The following ERCC6L2 variants were observed in gnomAD, a reference collection of about 807,000 sequenced individuals.
The protein encoded by ERCC6L2 is DNA excision repair protein ERCC-6-like 2.
ERCC6L2 carries 77 observed loss-of-function variants against 132.0 expected under a neutral mutation model. The ratio of observed to expected loss-of-function variants is 0.58; its 90% CI spans 0.49 to 0.71. The LOEUF is 0.71. Among genes scored for constraint, ERCC6L2 ranks in the 30% least tolerant of loss-of-function variants. The pLI is 0.00. For missense variants in ERCC6L2, 1,542 were observed against 1,837.6 expected (o/e 0.84, Z 2.94); for synonymous variants, 583 against 632.4 (o/e 0.92, Z 1.17).
At chr9:96,026,552 C>A (rs1834367257) in intron 19 of ERCC6L2, among the ~76,000 whole-genome samples, 1 of 151,980 alleles carries the variant, frequency 6.6e-6, no homozygotes, top group Non-Finnish European at 1.5e-5. Context: ...GGAGCAGGGG[C>A]TTGTTGTTTC....
intron 11 of ERCC6L2, among the ~76,000 whole-genome samples, chr9:95,933,661 A>G (rs1001827559): frequency 6.6e-6 from 1 of 152,128 alleles, no homozygotes; most frequent in African/African-American, 2.4e-5. Flanking sequence ...CCTGGCTGAC[A>G]TGGTGAAACC....
intron 2 of ERCC6L2, among the ~76,000 whole-genome samples, chr9:95,894,184 T>C (rs1054063233): frequency 1.2e-4 from 18 of 149,324 alleles, no homozygotes; most frequent in African/African-American, 4.4e-4. Flanking sequence ...ATATAGTTTA[T>C]TGAATATTTT....
intron 13 of ERCC6L2, among the ~76,000 whole-genome samples, chr9:95,963,222 G>A (rs1385525636): frequency 2.0e-5 from 3 of 151,546 alleles, no homozygotes; most frequent in Admixed American, 2.0e-4. Context: ...TGCAAGAACA[G>A]CAGAAAGAAC....
intron 17 of ERCC6L2, among the ~76,000 whole-genome samples, chr9:95,998,898 C>T (rs1239625520): frequency 6.6e-6 from 1 of 152,202 alleles, no homozygotes; most frequent in African/African-American, 2.4e-5. Context: ...AGCTTTCATT[C>T]AGAATAAGCC....
chr9:95,953,585 AAAAAC>A (rs1173043842), intron 12 of ERCC6L2, among the ~76,000 whole-genome samples: 2 of 151,904 alleles, frequency 1.3e-5, no homozygotes, highest in Non-Finnish European at 2.9e-5. Context: ...AAAAAAAAAA[AAAAAC>A]AATGAAATTA....
chr9:95,956,417 C>G (rs1475139590), intron 13 of ERCC6L2, among the ~76,000 whole-genome samples: 1 of 152,092 alleles, frequency 6.6e-6, no homozygotes, highest in Non-Finnish European at 1.5e-5. Context: ...AATGGTTTAC[C>G]ACAAATGGGC....
chr9:95,941,964 G>C (rs77738638), intron 12 of ERCC6L2, among the ~76,000 whole-genome samples: 4,607 of 152,246 alleles, frequency 0.03, 95 homozygotes, highest in East Asian at 0.13. Context: ...TGCAACTACA[G>C]TATGTGGGAG....
In ERCC6L2 at chr9:96,017,895, G is replaced by C. The variant is rs1254721058; in HGVS notation, c.*4692G>C. On this transcript the variant is annotated 3_prime_UTR_variant, in exon 19 of 19. Coordinates refer to ENST00000653738, the MANE Select transcript of ERCC6L2 (RefSeq NM_020207.7). ...GAATAAGCAAAATATTACACACACA[G>C]GAATATTATTCAGCCTTGAAAGGAA... 3.3e-5 allele frequency among the ~76,000 whole-genome samples: 5 copies of C among 151,502 alleles called. No homozygotes were observed. The highest frequency in any genetic ancestry group is 1.2e-4 in the African/African-American group (5 of 41,228).
At position 95,915,528 on chromosome 9, in the gene ERCC6L2, T is replaced by C. The variant is rs185217896; in HGVS notation, c.789-140T>C. On this transcript the variant is annotated intron_variant, in intron 4 of 18. Coordinates refer to ENST00000653738, the MANE Select transcript of ERCC6L2 (RefSeq NM_020207.7). ...GGGTGTGACCATTTAACTAAGTGGG[T>C]AAGAATCCAATGGAGTCATCAAAGA... 3.8e-5 allele frequency: 31 copies of C among 808,866 alleles called. No homozygotes were observed. The East Asian group carries it at 5.8e-4, about 15-fold the overall frequency. The allele number at this position is 808,866 out of a possible 1,614,324, so 50.1% of individuals were successfully genotyped here.
At chr9:95,983,431 T>C (rs1306395258) in intron 17 of ERCC6L2, among the ~76,000 whole-genome samples, 1 of 152,198 alleles carries the variant, frequency 6.6e-6, no homozygotes, top group African/African-American at 2.4e-5. Flanking sequence ...CTGTTGAGAA[T>C]AGTCACAAGA....
chr9:96,040,042 GCC>G (rs1184462168), intron 20 of ERCC6L2, among the ~76,000 whole-genome samples: 4 of 127,632 alleles, frequency 3.1e-5, no homozygotes, highest in Non-Finnish European at 4.8e-5. Context: ...AATATAGCAA[GCC>G]CCATCTCTAA....
chr9:95,993,178 A>G (rs1833359131), intron 17 of ERCC6L2, among the ~76,000 whole-genome samples: 1 of 152,188 alleles, frequency 6.6e-6, no homozygotes, highest in Non-Finnish European at 1.5e-5. Flanking sequence ...ATTATCCCCA[A>G]GATGATCCTC....
At chr9:95,898,033 A>G in intron 3 of ERCC6L2, 62 bp downstream of exon 3, 2 of 1,374,794 alleles carry the variant, frequency 1.5e-6, no homozygotes, top group Non-Finnish European at 2.0e-6. Flanking sequence ...GCATATAGAA[A>G]TATTTAAATA....
intron 14 of ERCC6L2, among the ~76,000 whole-genome samples, 192 bp from the exon 15 acceptor site, chr9:95,970,384 A>G (rs1243200214): frequency 3.9e-5 from 6 of 152,168 alleles, no homozygotes; most frequent in African/African-American, 1.4e-4. Flanking sequence ...GTATTTTTAG[A>G]ATGTTATATA....
chr9:95,994,856 G>C (rs1833420303), intron 17 of ERCC6L2, among the ~76,000 whole-genome samples: 1 of 152,122 alleles, frequency 6.6e-6, no homozygotes, highest in African/African-American at 2.4e-5. Flanking sequence ...ACAGTGTATG[G>C]GTGTGGGAAC....
intron 2 of ERCC6L2, among the ~76,000 whole-genome samples, chr9:95,887,090 C>T (rs148161078): frequency 6.6e-6 from 1 of 152,214 alleles, no homozygotes; most frequent in African/African-American, 2.4e-5. Flanking sequence ...ATCTCTATTC[C>T]ATTAGTTCTG....
At chr9:95,977,502 C>G (rs1168814112) in intron 16 of ERCC6L2, among the ~76,000 whole-genome samples, 1 of 152,106 alleles carries the variant, frequency 6.6e-6, no homozygotes, top group East Asian at 1.9e-4. Context: ...TTTTTTAAAC[C>G]TCTTTCAGAT....
intron 2 of ERCC6L2, among the ~76,000 whole-genome samples, chr9:95,896,251 C>G (rs1400070314): frequency 9.9e-5 from 15 of 152,006 alleles, no homozygotes; most frequent in Admixed American, 9.2e-4. Flanking sequence ...AAAATCTTTA[C>G]CCTTCATTCT....
intron 2 of ERCC6L2, among the ~76,000 whole-genome samples, chr9:95,883,973 T>G (rs1392650692): frequency 2.0e-5 from 3 of 152,218 alleles, no homozygotes; most frequent in Non-Finnish European, 4.4e-5. Flanking sequence ...CATTTTAGTC[T>G]CAAATTTGAA....
Sources: gnomAD v4.1 joint callset for allele counts (sites outside exome capture counted in the v4.1 genomes callset) on GRCh38, gnomAD v4.1.1 for gene constraint, MANE v1.5 for transcripts, NCBI Gene and HGNC (gene_info 2026-07-23, HGNC 2026-07-21) for gene names.